TNRC18: variants seen among roughly 807,000 people sequenced by gnomAD.
The protein encoded by TNRC18 is trinucleotide repeat-containing gene 18 protein.
A neutral mutation model predicts 226.7 loss-of-function variants in TNRC18; 69 were observed. The observed-to-expected ratio is 0.30, with a 90% CI of 0.25 to 0.37. The LOEUF (loss-of-function observed/expected upper bound fraction) is 0.37. Among genes scored for constraint, TNRC18 ranks in the 10% least tolerant of loss-of-function variants. The pLI is 1.00. For missense variants in TNRC18, 4,754 were observed against 4,256.6 expected (o/e 1.12, Z -3.25); for synonymous variants, 2,449 against 1,927.6 (o/e 1.27, Z -7.09).
intron 10 of TNRC18, among the ~76,000 whole-genome samples, chr7:5,372,315 G>C (rs1245491386): frequency 6.6e-6 from 1 of 151,064 alleles, no homozygotes; most frequent in Non-Finnish European, 1.5e-5. Context: ...CTGACCTCGT[G>C]ATCCGCCCGC....
intron 17 of TNRC18, among the ~76,000 whole-genome samples, chr7:5,350,436 GC>G (rs954333195): frequency 1.4e-5 from 2 of 138,502 alleles, no homozygotes; most frequent in African/African-American, 5.2e-5. Flanking sequence ...AACAGGGCGG[GC>G]GGGGGGCGGG....
Position 5,313,615 on chromosome 7 carries a change from G to C in TNRC18, c.7276C>G (p.Pro2426Ala), listed in dbSNP as rs1208711617. The C allele has an allele frequency of 1.9e-6, 3 of 1,603,598 alleles. No individual in the cohort carries two copies. Among genetic ancestry groups the C allele is most frequent in the Non-Finnish European group, 2.6e-6 (3 of 1,176,020 alleles). Residue 2426 changes from proline to alanine, a missense_variant, in exon 27 of 30, where the codon CCC becomes GCC. Physicochemically the swap from Pro to Ala is conservative, Grantham distance 27. Transcript: ENST00000430969. ...CGTGTGGCAGGCATGGTGATGAGGGGTGCTGGGGCCAGGGAGGTGGCAGGA... is the reference window on the plus strand; with the variant it reads ...CGTGTGGCAGGCATGGTGATGAGGGCTGCTGGGGCCAGGGAGGTGGCAGGA... ...PAPATSLAPAPLITMPATRPK... is the reference protein window; with the variant it reads ...PAPATSLAPAALITMPATRPK...
At chr7:5,331,643 C>T (rs904141606) in intron 19 of TNRC18, among the ~76,000 whole-genome samples, 13 of 152,182 alleles carry the variant, frequency 8.5e-5, no homozygotes, top group African/African-American at 2.7e-4. Flanking sequence ...CAGCACTAGC[C>T]GGGTGCAGTG....
intron 15 of TNRC18, 71 bp from the exon 16 acceptor site, chr7:5,357,347 T>C (rs1792549980): frequency 2.7e-6 from 4 of 1,485,182 alleles, no homozygotes; most frequent in Non-Finnish European, 3.6e-6. Flanking sequence ...GTGCACATGC[T>C]CTGCCCAGCC....
chr7:5,362,092 A>G, intron 12 of TNRC18, 59 bp from the exon 13 acceptor site: 1 of 1,583,842 alleles, frequency 6.3e-7, no homozygotes, highest in African/African-American at 1.3e-5. Context: ...AACGACGCCC[A>G]CCGCCCACCC....
Position 5,324,443 on chromosome 7 carries a change from C to T in TNRC18, c.6301-88G>A. On this transcript the variant is annotated intron_variant, in intron 20 of 29. Coordinates refer to ENST00000430969, the MANE Select transcript of TNRC18 (RefSeq NM_001080495.3). This position sits in a 1 kb window ranked among gnomAD's most constrained non-coding sequence, Gnocchi z 4.8. ...GACCCTCTCTGGAAACCTGGAGCCACAGTCAGGCCGCAGGGGGAATCTGTC... is the reference window on the plus strand; with the variant it reads ...GACCCTCTCTGGAAACCTGGAGCCATAGTCAGGCCGCAGGGGGAATCTGTC... 1 of 1,528,714 alleles carries T rather than the reference C, an allele frequency of 6.5e-7. No individual in the cohort carries two copies. The highest frequency in any genetic ancestry group is 8.9e-7 in the Non-Finnish European group (1 of 1,126,776). 94.7% of individuals were successfully genotyped at this position (1,528,714 alleles called of 1,614,324 possible).
Position 5,308,703 on chromosome 7 carries a change from CAG to C in TNRC18, c.8700+170_8700+171del, listed in dbSNP as rs147371041. ...AAGACCCAGAGACAGACGCACAGAC[CAG>C]AGAGACAGAGAACAGGAGCCAGGCA... is the stretch of plus-strand genomic sequence containing the variant. On this transcript the variant is annotated intron_variant, in intron 29 of 29. Coordinates refer to ENST00000430969, the MANE Select transcript of TNRC18 (RefSeq NM_001080495.3). 1.5e-3 allele frequency among the ~76,000 whole-genome samples: 230 copies of C among 152,240 alleles called. 2 individuals carry two copies. Among genetic ancestry groups the C allele is most frequent in the African/African-American group, 5.4e-3 (223 of 41,536 alleles).
intron 14 of TNRC18, 93 bp from the exon 15 acceptor site, chr7:5,359,662 G>T: frequency 6.9e-7 from 1 of 1,455,288 alleles, no homozygotes. Context: ...TTGGGCTCTG[G>T]ACCCTGAGCG....
Position 5,312,839 on chromosome 7 carries a change from C to T in TNRC18, c.8052G>A (p.Glu2684=). 1 of 1,527,820 alleles carries T rather than the reference C, an allele frequency of 6.5e-7. No individual in the cohort carries two copies. Among genetic ancestry groups the T allele is most frequent in the Non-Finnish European group, 8.8e-7 (1 of 1,138,660 alleles). 94.6% of individuals were successfully genotyped at this position (1,527,820 alleles called of 1,614,324 possible). A position where few individuals can be genotyped will look rare whatever the true frequency, so the allele number is the denominator to read the frequency against. The stretch of plus-strand genomic sequence containing the variant: ...GGCCAGCCGTGGGGGCGGGGGCTGC[C>T]TCATCGTCCGAGCTGCAGGAAGAGT... The part of the protein sequence containing the change: ...DEDSSCSSDD[E]AAPAPTAGPS... Residue 2684 remains glutamate, a synonymous_variant, in exon 27 of 30, where the codon GAG becomes GAA. Transcript: ENST00000430969. This position sits in a 1 kb window ranked among gnomAD's most constrained non-coding sequence, Gnocchi z 6.3.
Position 5,374,140 on chromosome 7 carries a change from C to T in TNRC18, c.3144G>A (p.Lys1048=), listed in dbSNP as rs1794405661. Residue 1048 remains lysine, a synonymous_variant, in exon 10 of 30, where the codon AAG becomes AAA. Coordinates refer to ENST00000430969, the MANE Select transcript of TNRC18 (RefSeq NM_001080495.3). ...CGACCACATTCTCGGGAGCCTCCTCCTTGCGGGTGATACCCGGGGTGGGCG... is the reference window on the plus strand; with the variant it reads ...CGACCACATTCTCGGGAGCCTCCTCTTTGCGGGTGATACCCGGGGTGGGCG... The part of the protein sequence containing the change: ...SPPPTPGITR[K]EEAPENVVEK... 1.5e-6 allele frequency: 2 copies of T among 1,325,304 alleles called. No individual in the cohort carries two copies. Among genetic ancestry groups the T allele is most frequent in the Non-Finnish European group, 2.0e-6 (2 of 1,014,548 alleles). The allele number at this position is 1,325,304 out of a possible 1,614,324, so 82.1% of individuals were successfully genotyped here. A position where few individuals can be genotyped will look rare whatever the true frequency, so the allele number is the denominator to read the frequency against.
chr7:5,323,833 G>T (rs903284804), intron 21 of TNRC18, among the ~76,000 whole-genome samples: 3 of 152,122 alleles, frequency 2.0e-5, no homozygotes, highest in African/African-American at 7.2e-5. Flanking sequence ...CTCCTAAAGT[G>T]CTGGGATTAC....
Position 5,377,244 on chromosome 7 carries a change from A to G in TNRC18, c.2461+127T>C. On this transcript the variant is annotated intron_variant, in intron 7 of 29. Coordinates refer to ENST00000430969, the MANE Select transcript of TNRC18 (RefSeq NM_001080495.3). This position sits in a 1 kb window ranked among gnomAD's most constrained non-coding sequence, Gnocchi z 5.8. ...CCATTATCATTCCTTCTTCCGACGA[A>G]TGCGGGAGGCAGGCCCAGGCCCCCC... The G allele has an allele frequency of 8.7e-7, 1 of 1,154,614 alleles. No individual in the cohort carries two copies. The highest frequency in any genetic ancestry group is 1.2e-6 in the Non-Finnish European group (1 of 833,214). The allele number at this position is 1,154,614 out of a possible 1,614,324, so 71.5% of individuals were successfully genotyped here.
intron 2 of TNRC18, among the ~76,000 whole-genome samples, chr7:5,418,093 C>T (rs1245009644): frequency 6.6e-6 from 1 of 152,180 alleles, no homozygotes; most frequent in African/African-American, 2.4e-5. Flanking sequence ...GGTGTGGGGG[C>T]AGGGAGAATA....
At chr7:5,414,435 C>T (rs549916020) in intron 2 of TNRC18, among the ~76,000 whole-genome samples, 16 of 149,506 alleles carry the variant, frequency 1.1e-4, no homozygotes, top group African/African-American at 2.7e-4. Context: ...TTTTTTGAGA[C>T]GGAGTCTCAC....
At position 5,377,706 on chromosome 7, in the gene TNRC18, G is replaced by A; in HGVS notation, c.2256-130C>T. ...AGGACAACCACTGCTCGGAACTGAA[G>A]GGCCTCCCGGGGCCTTCCACACTCA... On this transcript the variant is annotated intron_variant, in intron 6 of 29. Transcript: ENST00000430969. This position sits in a 1 kb window ranked among gnomAD's most constrained non-coding sequence, Gnocchi z 5.8. The A allele has an allele frequency of 1.8e-6, 2 of 1,101,250 alleles. No individual in the cohort carries two copies. Among genetic ancestry groups the A allele is most frequent in the Non-Finnish European group, 2.6e-6 (2 of 770,516 alleles). 68.2% of individuals were successfully genotyped at this position (1,101,250 alleles called of 1,614,324 possible).
chr7:5,415,262 AC>A (rs1490051252), intron 2 of TNRC18, among the ~76,000 whole-genome samples: 1 of 148,578 alleles, frequency 6.7e-6, no homozygotes, highest in Non-Finnish European at 1.5e-5. Flanking sequence ...GAAAAAGGTC[AC>A]CCCTCCAGAT....
chr7:5,387,698 C>T lies in TNRC18; in HGVS notation c.2126G>A (p.Arg709His), dbSNP rs1456374365. The T allele has an allele frequency of 6.2e-6, 10 of 1,605,036 alleles. 1 individual carries two copies. The highest frequency in any genetic ancestry group is 5.3e-5 in the African/African-American group (4 of 74,944). The stretch of plus-strand genomic sequence containing the variant: ...TTTGACGTTACTCAGCGACAGAGAG[C>T]GCTCCTGGTCTACCAGCCCAGGCCC... ...RLGPGLVDQE[R>H]SLSLSNVKGH... The change falls in exon 5 of 30, where the codon CGC becomes CAC. Residue 709 changes from arginine to histidine, a missense_variant. Arg to His is a conservative substitution (Grantham distance 29). Transcript: ENST00000430969.
intron 18 of TNRC18, among the ~76,000 whole-genome samples, chr7:5,344,877 G>T (rs902628690): frequency 6.6e-6 from 1 of 152,168 alleles, no homozygotes; most frequent in African/African-American, 2.4e-5. Context: ...CTGATGCAGG[G>T]AAACAGTCAG....
chr7:5,315,913 C>T (rs763313540), intron 25 of TNRC18, 43 bp downstream of exon 25: 12 of 1,455,302 alleles, frequency 8.2e-6, no homozygotes, highest in South Asian at 4.0e-5. Flanking sequence ...CCTGGGTGGG[C>T]GGCCCCTGGC....
Sources: gnomAD v4.1 joint callset for allele counts (sites outside exome capture counted in the v4.1 genomes callset) on GRCh38, gnomAD v4.1.1 for gene constraint, Gnocchi (gnomAD v3.1) non-coding constraint, MANE v1.5 for transcripts, NCBI Gene and HGNC (gene_info 2026-07-23, HGNC 2026-07-21) for gene names.